PPARGC1A: variants seen among roughly 807,000 people sequenced by gnomAD.
PPARGC1A encodes PPARG coactivator 1 alpha, also known as peroxisome proliferator-activated receptor gamma coactivator 1-alpha.
Under a neutral mutation model 88.7 loss-of-function variants are expected in PPARGC1A, and 25 were observed. The ratio of observed to expected loss-of-function variants is 0.28; its 90% CI spans 0.21 to 0.39. The LOEUF is 0.39. PPARGC1A is among the 10% of genes least tolerant of loss of function. The pLI is 1.00. For synonymous variants in PPARGC1A, 363 were observed against 355.6 expected (o/e 1.02, Z -0.24); for missense variants, 880 against 968.7 (o/e 0.91, Z 1.22).
chr4:23,990,723 C>T, the PPARGC1A span, among the ~76,000 whole-genome samples: 4 of 152,036 alleles, frequency 2.6e-5, no homozygotes, highest in East Asian at 1.9e-4. Context: ...AACTCGGAGG[C>T]GATGAACAGA....
chr4:24,404,119 C>T, the PPARGC1A span, among the ~76,000 whole-genome samples: 36 of 151,836 alleles, frequency 2.4e-4, no homozygotes, highest in Non-Finnish European at 4.0e-4. Flanking sequence ...AAAAATTAGC[C>T]GGGCATGGTG....
the PPARGC1A span, among the ~76,000 whole-genome samples, chr4:24,272,907 G>A: frequency 6.6e-6 from 1 of 152,068 alleles, no homozygotes; most frequent in Non-Finnish European, 1.5e-5. Context: ...GCAGACCCAG[G>A]TACAGTATTC....
chr4:24,253,481 G>A, the PPARGC1A span, among the ~76,000 whole-genome samples: 39 of 152,144 alleles, frequency 2.6e-4, no homozygotes, highest in African/African-American at 9.4e-4. Context: ...ATAAGTAAAA[G>A]GTATGCAGAG....
Position 23,807,060 on chromosome 4 carries a change from A to G in PPARGC1A, c.2020-4715T>C, listed in dbSNP as rs115839465. ...AAAAATCTTTTTTTCTATGCTAAGG[A>G]AACTACATATCAACTTTGGCAGTGA... On this transcript the variant is annotated intron_variant, in intron 10 of 12. Coordinates refer to ENST00000264867, the MANE Select transcript of PPARGC1A (RefSeq NM_013261.5). Among the ~76,000 whole-genome samples, 1,172 of 152,294 alleles carry G rather than the reference A, an allele frequency of 7.7e-3. 11 individuals are homozygous for G. The highest frequency in any genetic ancestry group is 0.024 in the African/African-American group (1,011 of 41,580).
the PPARGC1A span, among the ~76,000 whole-genome samples, chr4:24,084,854 A>G: frequency 1.4e-4 from 21 of 152,350 alleles, no homozygotes; most frequent in East Asian, 3.7e-3. Context: ...TTTGTGCTAG[A>G]GATGTAACAA....
chr4:24,344,605 T>G, the PPARGC1A span, among the ~76,000 whole-genome samples: 25,442 of 151,944 alleles, frequency 0.17, 2,264 homozygotes, highest in Non-Finnish European at 0.19. Flanking sequence ...TTGTTTGTTT[T>G]TTTTTTCTTA....
chr4:24,214,400 C>T, the PPARGC1A span, among the ~76,000 whole-genome samples: 1 of 152,102 alleles, frequency 6.6e-6, no homozygotes, highest in Non-Finnish European at 1.5e-5. Flanking sequence ...ACACATGCCT[C>T]GAAAACTGTG....
At chr4:24,359,844 CCTT>C in the PPARGC1A span, among the ~76,000 whole-genome samples, 1 of 152,142 alleles carries the variant, frequency 6.6e-6, no homozygotes. Flanking sequence ...CCTGCCAATA[CCTT>C]AGTTTGGAAC....
At chr4:23,863,731 T>G (rs1044852490) in intron 2 of PPARGC1A, among the ~76,000 whole-genome samples, 2 of 152,200 alleles carry the variant, frequency 1.3e-5, no homozygotes, top group Non-Finnish European at 2.9e-5. Flanking sequence ...TCTCTACACC[T>G]TGAAGATCTG....
the PPARGC1A span, among the ~76,000 whole-genome samples, chr4:23,932,780 T>A: frequency 3.9e-5 from 6 of 152,166 alleles, no homozygotes; most frequent in Non-Finnish European, 8.8e-5. Context: ...AGCAAGATTT[T>A]CCTGTTCATG....
chr4:24,396,040 T>C, the PPARGC1A span, among the ~76,000 whole-genome samples: 2 of 152,198 alleles, frequency 1.3e-5, no homozygotes, highest in Admixed American at 6.5e-5. Flanking sequence ...TCTAGTGCTC[T>C]GAAGATGCAA....
At chr4:24,064,465 G>C in the PPARGC1A span, among the ~76,000 whole-genome samples, 2 of 152,150 alleles carry the variant, frequency 1.3e-5, no homozygotes, top group African/African-American at 4.8e-5. Context: ...GAGGGGGAAA[G>C]GGTCACGGGG....
chr4:24,116,618 A>G, the PPARGC1A span, among the ~76,000 whole-genome samples: 4 of 152,190 alleles, frequency 2.6e-5, no homozygotes, highest in Non-Finnish European at 5.9e-5. Context: ...CAACCACCCA[A>G]TGCAACGATC....
chr4:23,844,877 C>T (rs28696268), intron 2 of PPARGC1A, among the ~76,000 whole-genome samples: 25,400 of 50,296 alleles, frequency 0.51, 6,685 homozygotes, highest in Middle Eastern at 0.59. Context: ...ATATTATATA[C>T]ACACACACAC....
At chr4:24,107,757 C>T in the PPARGC1A span, among the ~76,000 whole-genome samples, 1 of 152,260 alleles carries the variant, frequency 6.6e-6, no homozygotes, top group Non-Finnish European at 1.5e-5. Flanking sequence ...TGGAGGACTT[C>T]TGAGAGAGGG....
intron 2 of PPARGC1A, chr4:23,875,981 C>A (rs952557548): frequency 6.6e-6 from 1 of 152,116 alleles, no homozygotes; most frequent in Non-Finnish European, 1.5e-5. Flanking sequence ...CATTATATCA[C>A]CTAGAACATT....
the PPARGC1A span, among the ~76,000 whole-genome samples, chr4:24,408,664 TG>T: frequency 6.6e-6 from 1 of 152,206 alleles, no homozygotes; most frequent in Non-Finnish European, 1.5e-5. Context: ...AGACCATCTG[TG>T]GGACCTAAAG....
chr4:24,036,907 G>A, the PPARGC1A span, among the ~76,000 whole-genome samples: 6 of 152,278 alleles, frequency 3.9e-5, no homozygotes, highest in South Asian at 1.0e-3. Context: ...ACAACGTCAG[G>A]TACTTACTGA....
chr4:23,818,839 C>CTTTTT (rs762478316), intron 7 of PPARGC1A, among the ~76,000 whole-genome samples: 1 of 49,022 alleles, frequency 2.0e-5, no homozygotes, highest in African/African-American at 7.9e-5. Flanking sequence ...CCAATGGCAT[C>CTTTTT]TTTTTTTTTT....
Sources: gnomAD v4.1 joint callset for allele counts (sites outside exome capture counted in the v4.1 genomes callset) on GRCh38, gnomAD v4.1.1 for gene constraint, MANE v1.5 for transcripts, NCBI Gene and HGNC (gene_info 2026-07-23, HGNC 2026-07-21) for gene names.